The following SPOCK3 variants were observed in gnomAD, a reference collection of about 807,000 sequenced individuals.
SPOCK3 encodes the protein testican-3.
SPOCK3 carries 30 observed loss-of-function variants against 56.6 expected under a neutral mutation model. The observed-to-expected ratio is 0.53, with a 90% CI of 0.40 to 0.72. The LOEUF (loss-of-function observed/expected upper bound fraction) is 0.72, where lower values mean the gene tolerates loss of function less well. Ranked by LOEUF, SPOCK3 falls within the 30% of genes least tolerant of loss-of-function variation. The pLI is 0.00. For missense variants in SPOCK3, 527 were observed against 530.0 expected (o/e 0.99, Z 0.06); for synonymous variants, 196 against 183.3 (o/e 1.07, Z -0.56).
chr4:166,820,130 CTAAT>C (rs963803024), intron 6 of SPOCK3, among the ~76,000 whole-genome samples: 2 of 151,926 alleles, frequency 1.3e-5, no homozygotes, highest in African/African-American at 4.8e-5. Flanking sequence ...AGCAAGTTGA[CTAAT>C]TAAAACAGTG....
At chr4:166,743,843 G>A (rs932200540) in intron 8 of SPOCK3, among the ~76,000 whole-genome samples, 3 of 152,210 alleles carry the variant, frequency 2.0e-5, no homozygotes, top group African/African-American at 7.2e-5. Context: ...CGCCCATGGA[G>A]CTTTGCTCAC....
chr4:166,985,678 A>G (rs1747083830), intron 4 of SPOCK3, among the ~76,000 whole-genome samples: 1 of 152,176 alleles, frequency 6.6e-6, no homozygotes, highest in South Asian at 2.1e-4. Flanking sequence ...TCAGATGAAC[A>G]CTAGTATTAT....
intron 4 of SPOCK3, among the ~76,000 whole-genome samples, chr4:166,942,978 CT>C: frequency 6.6e-6 from 1 of 152,174 alleles, no homozygotes; most frequent in East Asian, 1.9e-4. Context: ...TATATTCTGT[CT>C]TTTTTTCTTC....
chr4:167,190,649 C>A (rs1732397634), intron 2 of SPOCK3, among the ~76,000 whole-genome samples: 1 of 145,354 alleles, frequency 6.9e-6, no homozygotes, highest in African/African-American at 2.6e-5. Flanking sequence ...GCTTTTGTTG[C>A]CTGTGCTTTT....
intron 6 of SPOCK3, among the ~76,000 whole-genome samples, chr4:166,859,141 G>A (rs1320419960): frequency 6.6e-6 from 1 of 152,088 alleles, no homozygotes; most frequent in Non-Finnish European, 1.5e-5. Context: ...TTGTAGCCTA[G>A]GAGCAATAGG....
chr4:167,118,391 C>A (rs376183335), intron 2 of SPOCK3, among the ~76,000 whole-genome samples: 1 of 152,066 alleles, frequency 6.6e-6, no homozygotes, highest in Non-Finnish European at 1.5e-5. Flanking sequence ...CAAAGAATGC[C>A]TACCTCTAAA....
chr4:166,963,530 T>G (rs1744379581), intron 4 of SPOCK3, among the ~76,000 whole-genome samples: 1 of 151,956 alleles, frequency 6.6e-6, no homozygotes. Context: ...TTTGAGGCCT[T>G]CAAGCAGCCA....
chr4:166,871,763 AT>A (rs1453206303), intron 6 of SPOCK3, among the ~76,000 whole-genome samples: 1 of 151,368 alleles, frequency 6.6e-6, no homozygotes, highest in African/African-American at 2.4e-5. Flanking sequence ...ACAAACTAAA[AT>A]ATCTTATGAT....
chr4:167,091,218 T>C (rs1758671506), intron 2 of SPOCK3, among the ~76,000 whole-genome samples: 1 of 152,162 alleles, frequency 6.6e-6, no homozygotes, highest in African/African-American at 2.4e-5. Context: ...ATTTCACTTA[T>C]TTTAAAGGAC....
At chr4:167,069,602 T>A (rs6810884) in intron 2 of SPOCK3, among the ~76,000 whole-genome samples, 142,492 of 151,162 alleles carry the variant, frequency 0.94, 66,911 homozygotes, top group East Asian at 0.99. Context: ...TAAGATGAAA[T>A]AAAATATACA....
intron 5 of SPOCK3, 144 bp from the exon 6 acceptor site, chr4:166,889,388 G>C (rs1354885828): frequency 3.4e-6 from 2 of 593,834 alleles, no homozygotes; most frequent in African/African-American, 1.9e-5. Flanking sequence ...ATACTAAAGT[G>C]CAATATTACA....
chr4:167,147,370 C>A (rs1317194915), intron 2 of SPOCK3, among the ~76,000 whole-genome samples: 2 of 152,052 alleles, frequency 1.3e-5, no homozygotes, highest in East Asian at 1.9e-4. Context: ...CCAAATTATA[C>A]CAGAGGTACT....
At chr4:166,946,414 C>G (rs1459538715) in intron 4 of SPOCK3, among the ~76,000 whole-genome samples, 1 of 152,224 alleles carries the variant, frequency 6.6e-6, no homozygotes, top group Non-Finnish European at 1.5e-5. Flanking sequence ...CAGGCTCAGC[C>G]TGCTCCTGCG....
At chr4:167,083,816 A>G (rs1357641890) in intron 2 of SPOCK3, among the ~76,000 whole-genome samples, 1 of 152,128 alleles carries the variant, frequency 6.6e-6, no homozygotes, top group African/African-American at 2.4e-5. Context: ...ATAACACTGA[A>G]GTCTTAGAAA....
In SPOCK3 at chr4:166,912,743, C is replaced by T. The variant is rs1737422319; in HGVS notation, c.351G>A (p.Arg117=). The change falls in exon 5 of 11, where the codon AGG becomes AGA. Residue 117 remains arginine, a splice_region_variant and synonymous_variant. Coordinates refer to ENST00000357545, the MANE Select transcript of SPOCK3 (RefSeq NM_001040159.2). The part of the protein sequence containing the change: ...VCISHRRLTH[R]MKEAGVDHRQ... The stretch of plus-strand genomic sequence containing the variant: ...TATGGTCTACTCCTGCTTCTTTCAT[C>T]CTGTTAAAAAAATAAAGCAAGCATA... The T allele has an allele frequency of 6.3e-7, 1 of 1,589,998 alleles. No homozygotes were observed. Among genetic ancestry groups the T allele is most frequent in the African/African-American group, 1.4e-5 (1 of 73,252 alleles).
At chr4:166,750,664 A>G (rs1197988686) in intron 8 of SPOCK3, among the ~76,000 whole-genome samples, 1 of 152,176 alleles carries the variant, frequency 6.6e-6, no homozygotes, top group Non-Finnish European at 1.5e-5. Context: ...TGGAGTCATT[A>G]TATTAGGAAT....
At position 166,942,492 on chromosome 4, in the gene SPOCK3, G is replaced by T. The variant is rs140871348; in HGVS notation, c.351-29749C>A. On this transcript the variant is annotated intron_variant, in intron 4 of 10. Transcript: ENST00000357545. The stretch of plus-strand genomic sequence containing the variant: ...CACTTAAAAAAAAAAAAAAACAAAA[G>T]TTAAAAAAAAAACACAAAAGTTAAA... Among the ~76,000 whole-genome samples the T allele has an allele frequency of 7.3e-3, 1,053 of 145,070 alleles. 13 individuals are homozygous for T. Among genetic ancestry groups the T allele is most frequent in the African/African-American group, 0.017 (678 of 39,412 alleles).
chr4:167,094,467 C>A (rs1445691156), intron 2 of SPOCK3, among the ~76,000 whole-genome samples: 1 of 151,962 alleles, frequency 6.6e-6, no homozygotes, highest in Non-Finnish European at 1.5e-5. Context: ...GTTCAAAATT[C>A]ATACATCAAT....
intron 6 of SPOCK3, among the ~76,000 whole-genome samples, chr4:166,887,336 C>G (rs1734304496): frequency 6.6e-6 from 1 of 152,144 alleles, no homozygotes; most frequent in South Asian, 2.1e-4. Context: ...TATACACTTA[C>G]TATGACCACA....
Sources: gnomAD v4.1 joint callset for allele counts (sites outside exome capture counted in the v4.1 genomes callset) on GRCh38, gnomAD v4.1.1 for gene constraint, MANE v1.5 for transcripts, NCBI Gene and HGNC (gene_info 2026-07-23, HGNC 2026-07-21) for gene names.